The following TLE1 variants were observed in gnomAD, a reference collection of about 807,000 sequenced individuals.
TLE1 encodes the protein transducin-like enhancer protein 1.
TLE1 carries 21 observed loss-of-function variants against 89.8 expected under a neutral mutation model. The ratio of observed to expected loss-of-function variants is 0.23; its 90% CI spans 0.17 to 0.34. The LOEUF (loss-of-function observed/expected upper bound fraction) is 0.34. TLE1 is among the 10% of genes least tolerant of loss of function. The probability of loss-of-function intolerance (pLI) is 1.00; values close to 1 mark genes in which losing one functional copy is unlikely to be tolerated. For missense variants in TLE1, 795 were observed against 1,031.2 expected (o/e 0.77, Z 3.14); for synonymous variants, 447 against 407.6 (o/e 1.10, Z -1.16).
Position 81,626,144 on chromosome 9 carries a change from A to G in TLE1, c.595-5587T>C, listed in dbSNP as rs189485269. ...AAAATAAAGCACATTATTCAAATGGATTTCTTTAGCTGCCATGCTGATTCC... is the reference window on the plus strand; with the variant it reads ...AAAATAAAGCACATTATTCAAATGGGTTTCTTTAGCTGCCATGCTGATTCC... On this transcript the variant is annotated intron_variant, in intron 8 of 19. Coordinates refer to ENST00000376499, the MANE Select transcript of TLE1 (RefSeq NM_005077.5). 3.6e-3 allele frequency among the ~76,000 whole-genome samples: 546 copies of G among 152,258 alleles called. 1 individual carries two copies. Among genetic ancestry groups the G allele is most frequent in the African/African-American group, 0.012 (491 of 41,544 alleles).
At chr9:81,608,655 A>G (rs1823287313) in intron 14 of TLE1, among the ~76,000 whole-genome samples, 1 of 151,896 alleles carries the variant, frequency 6.6e-6, no homozygotes, top group South Asian at 2.1e-4. Flanking sequence ...AAACAAAATC[A>G]GCTGGGCACG....
intron 6 of TLE1, among the ~76,000 whole-genome samples, chr9:81,651,050 G>A (rs1381343998): frequency 4.6e-5 from 7 of 152,108 alleles, no homozygotes; most frequent in African/African-American, 1.7e-4. Flanking sequence ...GTAATTTTAA[G>A]CCCTGATGGA....
chr9:81,634,055 G>A (rs1827050503), intron 7 of TLE1, 42 bp downstream of exon 7: 1 of 1,571,616 alleles, frequency 6.4e-7, no homozygotes, highest in African/African-American at 1.3e-5. Flanking sequence ...CACTGTAAGA[G>A]TATGAGGACA....
chr9:81,687,250 A>C (rs1834410236), intron 2 of TLE1, 84 bp downstream of exon 2: 3 of 1,150,318 alleles, frequency 2.6e-6, no homozygotes, highest in Non-Finnish European at 3.8e-6. Flanking sequence ...GCAAGAACTA[A>C]GTACAGGCGC....
intron 14 of TLE1, among the ~76,000 whole-genome samples, chr9:81,607,857 T>C (rs1175103166): frequency 2.0e-5 from 3 of 152,196 alleles, no homozygotes; most frequent in African/African-American, 7.2e-5. Flanking sequence ...ACTCCCTTCA[T>C]TGGGCACAGA....
intron 14 of TLE1, among the ~76,000 whole-genome samples, chr9:81,598,865 C>G (rs1564126406): frequency 6.6e-6 from 1 of 152,220 alleles, no homozygotes; most frequent in Non-Finnish European, 1.5e-5. Flanking sequence ...CCCAAGTAAG[C>G]TGTGGCAGAA....
intron 14 of TLE1, among the ~76,000 whole-genome samples, chr9:81,600,622 A>T (rs572077938): frequency 4.7e-5 from 5 of 106,604 alleles, no homozygotes; most frequent in African/African-American, 2.3e-4. Flanking sequence ...TTAGCATTTA[A>T]TAGACCAAAA....
chr9:81,615,359 G>C (rs893867005), intron 11 of TLE1, among the ~76,000 whole-genome samples: 1 of 150,436 alleles, frequency 6.6e-6, no homozygotes, highest in Non-Finnish European at 1.5e-5. Context: ...TCAGAAGTTT[G>C]AACCATTTGT....
At chr9:81,687,904 A>AG (rs940730470) in intron 1 of TLE1, among the ~76,000 whole-genome samples, 42 of 151,336 alleles carry the variant, frequency 2.8e-4, no homozygotes, top group East Asian at 1.4e-3. Context: ...GGAGAAACAA[A>AG]GGGGGGGGCG....
At chr9:81,632,478 T>C (rs1240050736) in intron 8 of TLE1, among the ~76,000 whole-genome samples, 1 of 58,096 alleles carries the variant, frequency 1.7e-5, no homozygotes, top group Admixed American at 1.4e-4. Flanking sequence ...AGTATCCCTT[T>C]TTTTTTTTTT....
Position 81,619,098 on chromosome 9 carries a change from T to C in TLE1, c.711+1343A>G, listed in dbSNP as rs150708946. ...CCTCATGAAGGGCAATTCAGAATTC[T>C]ACATCAGCAAATCTCTGCATGTCAT... On this transcript the variant is annotated intron_variant, in intron 9 of 19. Transcript: ENST00000376499. Among the ~76,000 whole-genome samples, 672 of 152,348 alleles carry C rather than the reference T, an allele frequency of 4.4e-3. 6 individuals carry two copies. Among genetic ancestry groups the C allele is most frequent in the Middle Eastern group, 0.024 (7 of 294 alleles).
At chr9:81,598,088 C>T (rs1334718364) in intron 14 of TLE1, among the ~76,000 whole-genome samples, 1 of 152,192 alleles carries the variant, frequency 6.6e-6, no homozygotes, top group East Asian at 1.9e-4. Context: ...GGACTTGGCA[C>T]TCTGGATGTG....
intron 12 of TLE1, 126 bp from the exon 13 acceptor site, chr9:81,612,085 G>C: frequency 1.3e-6 from 1 of 777,396 alleles, no homozygotes; most frequent in Non-Finnish European, 1.8e-6. Context: ...GCTTCTAGGG[G>C]AGGGGGAAAA....
At chr9:81,674,515 T>A (rs1417203440) in intron 4 of TLE1, among the ~76,000 whole-genome samples, 2 of 152,166 alleles carry the variant, frequency 1.3e-5, no homozygotes, top group African/African-American at 2.4e-5. Context: ...AAAATCTCCA[T>A]CACGACAATT....
intron 9 of TLE1, among the ~76,000 whole-genome samples, chr9:81,619,958 G>A (rs972335848): frequency 2.6e-5 from 4 of 152,148 alleles, no homozygotes. Context: ...AGTACCATGA[G>A]CCTATATTAT....
chr9:81,687,778 G>A (rs1307957234), intron 1 of TLE1, among the ~76,000 whole-genome samples: 1 of 152,060 alleles, frequency 6.6e-6, no homozygotes, highest in Non-Finnish European at 1.5e-5. Flanking sequence ...CGGCGATAAT[G>A]ACCCCGGGGA....
intron 4 of TLE1, among the ~76,000 whole-genome samples, chr9:81,675,761 CATG>C (rs1832826725): frequency 7.2e-6 from 1 of 139,094 alleles, no homozygotes. Flanking sequence ...AGTGCAGTGG[CATG>C]ATCTCAGCTC....
Position 81,596,026 on chromosome 9 carries a change from C to A in TLE1, c.1332-2752G>T, listed in dbSNP as rs560772054. Among the ~76,000 whole-genome samples, 3 of 152,120 alleles carry A rather than the reference C, an allele frequency of 2.0e-5. No homozygotes were observed. The East Asian group carries it at 5.8e-4, about 29-fold the overall frequency. ...AGGTTTCCATGAGGCACCCTTTCAT[C>A]AATCTCAGATTTTTCAGAGAAAGGA... On this transcript the variant is annotated intron_variant, in intron 14 of 19. Coordinates refer to ENST00000376499, the MANE Select transcript of TLE1 (RefSeq NM_005077.5).
rs574889687 is a variant in TLE1, at chr9:81,593,631, T to C, written c.1332-357A>G. Reference sequence around the variant, plus strand: ...ACCTCCTTCCATGTATCTTGTGTAATTGTATGATTTCTTAGTATAATTTTA... The same window carrying C: ...ACCTCCTTCCATGTATCTTGTGTAACTGTATGATTTCTTAGTATAATTTTA... On this transcript the variant is annotated intron_variant, in intron 14 of 19. Coordinates refer to ENST00000376499, the MANE Select transcript of TLE1 (RefSeq NM_005077.5). Among the ~76,000 whole-genome samples, 15 of 152,306 alleles carry C rather than the reference T, an allele frequency of 9.8e-5. No homozygotes were observed. The South Asian group carries it at 2.3e-3, about 23-fold the overall frequency.
Sources: allele counts gnomAD v4.1 joint callset (sites outside exome capture counted in the v4.1 genomes callset), GRCh38; gene constraint gnomAD v4.1.1; transcripts MANE v1.5; gene names NCBI Gene and HGNC (gene_info 2026-07-23, HGNC 2026-07-21).